Variants in ZC3H13 observed in about 807,000 individuals in gnomAD.
ZC3H13 encodes the protein zinc finger CCCH-type containing 13, also known as zinc finger CCCH domain-containing protein 13.
Under a neutral mutation model 204.1 loss-of-function variants are expected in ZC3H13, and 64 were observed. The ratio of observed to expected loss-of-function variants is 0.31; its 90% CI spans 0.26 to 0.39. The LOEUF is 0.39. ZC3H13 is among the 10% of genes least tolerant of loss of function. The pLI, the probability that ZC3H13 is intolerant of heterozygous loss-of-function variation, is 1.00. For missense variants in ZC3H13, 1,833 were observed against 2,082.7 expected (o/e 0.88, Z 2.33); for synonymous variants, 667 against 693.7 (o/e 0.96, Z 0.60).
chr13:46,052,321 G>GC, intron 1 of ZC3H13, 83 bp downstream of exon 1: 1 of 309,186 alleles, frequency 3.2e-6, no homozygotes, highest in Non-Finnish European at 5.8e-6. Context: ...AAGCAAAGAC[G>GC]GGGGGGGGTA....
At position 45,957,270 on chromosome 13, in the gene ZC3H13, C is replaced by A; in HGVS notation, c.4867G>T (p.Ala1623Ser). The change falls in exon 19 of 19, where the codon GCT becomes TCT. Residue 1623 changes from alanine (A) to serine (S), a missense_variant. Around this residue, in one of 5 missense-constraint regions of ZC3H13, gnomAD observed 211 missense variants for 228.4 expected, o/e 0.92. Coordinates refer to ENST00000679008, the MANE Select transcript of ZC3H13 (RefSeq NM_001330564.2). ...AGTAATTCATTGTCTACCATTGGAG[C>A]ACTCGTGTAAGCTTGTTTTATGGTG... ...KGTIKQAYTS[A>S]PMVDNELLRL... is the part of the protein sequence containing the mutation. The A allele has an allele frequency of 6.5e-7, 1 of 1,543,656 alleles. No homozygotes were observed.
At chr13:46,034,324 A>T (rs1433356352) in intron 4 of ZC3H13, among the ~76,000 whole-genome samples, 1 of 152,196 alleles carries the variant, frequency 6.6e-6, no homozygotes, top group Non-Finnish European at 1.5e-5. Context: ...ACACAAAAAC[A>T]TATATACACA....
At position 46,014,263 on chromosome 13, in the gene ZC3H13, T is replaced by C. The variant is rs544969738; in HGVS notation, c.449-2709A>G. Among the ~76,000 whole-genome samples the C allele has an allele frequency of 4.6e-5, 7 of 152,246 alleles. No homozygotes were observed. The East Asian group carries it at 5.8e-4, about 13-fold the overall frequency. ...CATGTGCCATGGTGGTTTGTACCTA[T>C]AGGTACAGGTTGATGTACCTATCAA... On this transcript the variant is annotated intron_variant, in intron 5 of 18. Coordinates refer to ENST00000679008, the MANE Select transcript of ZC3H13 (RefSeq NM_001330564.2).
At chr13:45,987,218 T>C (rs1055626021) in intron 9 of ZC3H13, among the ~76,000 whole-genome samples, 9 of 152,218 alleles carry the variant, frequency 5.9e-5, no homozygotes, top group African/African-American at 2.2e-4. Flanking sequence ...AACAATTGCC[T>C]GCTAAATCTC....
intron 5 of ZC3H13, among the ~76,000 whole-genome samples, chr13:46,018,745 T>C (rs1392710849): frequency 2.6e-5 from 4 of 152,166 alleles, no homozygotes; most frequent in African/African-American, 9.7e-5. Context: ...GACTTGGGCT[T>C]TTCTGAACCT....
At chr13:46,002,518 A>C (rs1355846009) in intron 8 of ZC3H13, among the ~76,000 whole-genome samples, 1 of 152,244 alleles carries the variant, frequency 6.6e-6, no homozygotes, top group Admixed American at 6.5e-5. Flanking sequence ...GAAAGAACCC[A>C]AACACCCATC....
At chr13:46,020,421 C>G in intron 5 of ZC3H13, 28 bp downstream of exon 5, 1 of 1,552,076 alleles carries the variant, frequency 6.4e-7, no homozygotes, top group Non-Finnish European at 8.9e-7. Context: ...CAAGAATTCG[C>G]CATTTAAACC....
chr13:46,012,300 C>T (rs2041620071), intron 5 of ZC3H13, among the ~76,000 whole-genome samples: 1 of 151,770 alleles, frequency 6.6e-6, no homozygotes, highest in East Asian at 1.9e-4. Context: ...GCACTAGCAC[C>T]CAAACCCATC....
chr13:45,963,182 T>C lies in ZC3H13; in HGVS notation c.4675+660A>G, dbSNP rs926710108. On this transcript the variant is annotated intron_variant, in intron 17 of 18. Transcript: ENST00000679008. ...TGACACTAACACACAGATTAAGTAA[T>C]AGCCAGTAAGTGGTGTGCCTACTGA... 7.2e-6 allele frequency: 7 copies of C among 971,724 alleles called. No homozygotes were observed. In the East Asian group the frequency reaches 3.4e-4, roughly 48 times the overall value. The allele number at this position is 971,724 out of a possible 1,614,324, so 60.2% of individuals were successfully genotyped here.
intron 15 of ZC3H13, 89 bp from the exon 16 acceptor site, chr13:45,965,521 A>G: frequency 1.6e-6 from 2 of 1,218,078 alleles, no homozygotes; most frequent in African/African-American, 1.6e-5. Flanking sequence ...TACACACATT[A>G]TAACAATGTG....
chr13:45,990,291 A>C (rs1261788196), intron 8 of ZC3H13, among the ~76,000 whole-genome samples: 1 of 152,200 alleles, frequency 6.6e-6, no homozygotes, highest in Non-Finnish European at 1.5e-5. Context: ...CCCCCAGTTG[A>C]GAACCACTAC....
chr13:45,984,118 C>T (rs1236400285), intron 10 of ZC3H13, among the ~76,000 whole-genome samples: 5 of 152,088 alleles, frequency 3.3e-5, no homozygotes, highest in Non-Finnish European at 7.4e-5. Context: ...TAGCTGTTTA[C>T]CACAAAGAAA....
chr13:45,974,896 G>C (rs2138006000), intron 12 of ZC3H13, among the ~76,000 whole-genome samples: 1 of 151,942 alleles, frequency 6.6e-6, no homozygotes, highest in South Asian at 2.1e-4. Flanking sequence ...ACCCAGGCTG[G>C]AGTGCAATGA....
chr13:45,964,632 T>C (rs1161660729), intron 16 of ZC3H13, among the ~76,000 whole-genome samples: 2 of 151,944 alleles, frequency 1.3e-5, no homozygotes, highest in Non-Finnish European at 2.9e-5. Context: ...AATTGCAAAA[T>C]ATAAGAGCAA....
intron 4 of ZC3H13, among the ~76,000 whole-genome samples, chr13:46,023,040 T>C (rs769956381): frequency 1.3e-5 from 2 of 152,156 alleles, no homozygotes; most frequent in Non-Finnish European, 2.9e-5. Context: ...ATTATGTTCA[T>C]CATTAATTTT....
chr13:46,004,253 AAGT>A (rs1178745882), intron 7 of ZC3H13, among the ~76,000 whole-genome samples: 2 of 151,560 alleles, frequency 1.3e-5, no homozygotes, highest in East Asian at 3.9e-4. Flanking sequence ...CTGTAACAAA[AAGT>A]AGATTTAGGT....
Position 45,969,560 on chromosome 13 carries a change from T to C in ZC3H13, c.2984A>G (p.Lys995Arg), listed in dbSNP as rs1180846975. ...TSEDGQVFSP[K>R]KGQKKKSIEK... is the part of the protein sequence containing the mutation. ...AATGCTTTTCTTTTTCTGTCCTTTT[T>C]TTGGTGAAAATACTTGACCATCTTC... The change falls in exon 14 of 19, where the codon AAA (lysine) becomes AGA (arginine). Residue 995 changes from lysine (K) to arginine (R), a missense_variant. Lys to Arg is a conservative substitution (Grantham distance 26). This residue lies in a region of ZC3H13 where 1,574 missense variants were observed against 1,757.2 expected (regional missense o/e 0.90). Coordinates refer to ENST00000679008, the MANE Select transcript of ZC3H13 (RefSeq NM_001330564.2). 20 of 1,609,610 alleles carry C rather than the reference T, an allele frequency of 1.2e-5. No homozygotes were observed. The highest frequency in any genetic ancestry group is 1.7e-5 in the Non-Finnish European group (20 of 1,178,988).
intron 12 of ZC3H13, 108 bp downstream of exon 12, chr13:45,975,175 A>T: frequency 6.8e-7 from 1 of 1,470,948 alleles, no homozygotes; most frequent in Non-Finnish European, 9.1e-7. Context: ...AAATATACAG[A>T]GAAAAAAAAT....
chr13:45,994,259 T>C (rs1051060447), intron 8 of ZC3H13, among the ~76,000 whole-genome samples: 1 of 152,240 alleles, frequency 6.6e-6, no homozygotes, highest in Non-Finnish European at 1.5e-5. Flanking sequence ...ATCAAACGTT[T>C]ATGTTATCAG....
Sources: gnomAD v4.1 joint callset for allele counts (sites outside exome capture counted in the v4.1 genomes callset) on GRCh38, gnomAD v4.1.1 for gene constraint, gnomAD v4.1.1 regional missense constraint, MANE v1.5 for transcripts, NCBI Gene and HGNC (gene_info 2026-07-23, HGNC 2026-07-21) for gene names.